The following PPP2R5A variants were observed in gnomAD, a reference collection of about 807,000 sequenced individuals.
The protein encoded by PPP2R5A is protein phosphatase 2 regulatory subunit B'alpha.
PPP2R5A carries 25 observed loss-of-function variants against 64.2 expected under a neutral mutation model. That is an observed-to-expected ratio of 0.39 (90% CI 0.28 to 0.54). The LOEUF is 0.54. PPP2R5A is among the 20% of genes least tolerant of loss of function. PPP2R5A has a pLI of 0.67. For synonymous variants in PPP2R5A, 198 were observed against 201.2 expected, an observed-to-expected ratio of 0.98 and a Z score of 0.13; for missense variants, 425 against 576.3, an observed-to-expected ratio of 0.74 and a Z score of 2.69.
At chr1:212,300,972 G>C (rs186439667) in intron 1 of PPP2R5A, among the ~76,000 whole-genome samples, 26 of 152,202 alleles carry the variant, frequency 1.7e-4, no homozygotes, top group Middle Eastern at 6.8e-3. Context: ...GAAGGAAGTG[G>C]GATGTCTGTA....
intron 1 of PPP2R5A, among the ~76,000 whole-genome samples, chr1:212,324,603 AT>A (rs112302137): frequency 0.018 from 2,527 of 143,280 alleles, 32 homozygotes; most frequent in South Asian, 0.027. Flanking sequence ...ATTATGATTA[AT>A]TTTTTTTTTT....
intron 9 of PPP2R5A, 94 bp downstream of exon 9, chr1:212,356,770 T>A (rs1659984404): frequency 7.1e-7 from 1 of 1,416,526 alleles, no homozygotes. Context: ...GTATTGCTGT[T>A]GCTAAAGAGC....
chr1:212,290,278 A>G (rs187472077), intron 1 of PPP2R5A, among the ~76,000 whole-genome samples: 30 of 152,328 alleles, frequency 2.0e-4, no homozygotes, highest in Admixed American at 2.0e-3. Context: ...GAACACTGAC[A>G]TTATCTTAAG....
chr1:212,330,545 C>A (rs1185318495), intron 2 of PPP2R5A, among the ~76,000 whole-genome samples: 13 of 45,466 alleles, frequency 2.9e-4, no homozygotes, highest in Admixed American at 1.7e-3. Flanking sequence ...AACACCTTGT[C>A]TCAAAAAAAA....
Position 212,320,394 on chromosome 1 carries a change from C to CT in PPP2R5A, c.182-8738dup, listed in dbSNP as rs1394404546. On this transcript the variant is annotated intron_variant, in intron 1 of 12. Transcript: ENST00000261461. ...TCCGATTTCTCAATCTTTTCCCCACCTTTCCCCCCTTTCTATTCCACAAAA... is the reference window on the plus strand; with the variant it reads ...TCCGATTTCTCAATCTTTTCCCCACCTTTTCCCCCCTTTCTATTCCACAAAA... 2.6e-5 allele frequency among the ~76,000 whole-genome samples: 4 copies of CT among 152,306 alleles called. No individual in the cohort carries two copies. The East Asian group carries it at 7.7e-4, about 29-fold the overall frequency.
At chr1:212,321,069 A>ACC (rs1285292900) in intron 1 of PPP2R5A, among the ~76,000 whole-genome samples, 10 of 52,176 alleles carry the variant, frequency 1.9e-4, no homozygotes, top group African/African-American at 6.8e-4. Flanking sequence ...CGGGGGGCTG[A>ACC]CCCCCCCGCC....
chr1:212,306,203 A>G (rs1416704210), intron 1 of PPP2R5A, among the ~76,000 whole-genome samples: 1 of 152,116 alleles, frequency 6.6e-6, no homozygotes, highest in African/African-American at 2.4e-5. Context: ...AGTGGAGAGA[A>G]TAGGGGAAGG....
intron 1 of PPP2R5A, among the ~76,000 whole-genome samples, chr1:212,322,253 GGGA>G (rs1659317932): frequency 2.6e-5 from 3 of 114,066 alleles, no homozygotes; most frequent in East Asian, 2.3e-4. Context: ...AGGAGGGAGA[GGGA>G]GAGGGAGAGG....
At chr1:212,353,969 G>T (rs1169916118) in intron 8 of PPP2R5A, among the ~76,000 whole-genome samples, 4 of 152,018 alleles carry the variant, frequency 2.6e-5, no homozygotes, top group Non-Finnish European at 4.4e-5. Flanking sequence ...TAGATCACGA[G>T]GTCAGGAGAT....
At chr1:212,294,652 G>T (rs1480345744) in intron 1 of PPP2R5A, among the ~76,000 whole-genome samples, 1 of 151,166 alleles carries the variant, frequency 6.6e-6, no homozygotes, top group Non-Finnish European at 1.5e-5. Context: ...TTAGTAAAGT[G>T]AAAACAATGA....
At chr1:212,333,709 G>A (rs1389556362) in intron 3 of PPP2R5A, 111 bp downstream of exon 3, 2 of 559,288 alleles carry the variant, frequency 3.6e-6, no homozygotes, top group Non-Finnish European at 5.9e-6. Context: ...GACTTTTATG[G>A]TTTTATTAAC....
intron 1 of PPP2R5A, among the ~76,000 whole-genome samples, chr1:212,307,113 C>A (rs1341066675): frequency 6.6e-6 from 1 of 152,090 alleles, no homozygotes; most frequent in Non-Finnish European, 1.5e-5. Context: ...TTATGCCTGC[C>A]ATTTTACTTT....
intron 1 of PPP2R5A, among the ~76,000 whole-genome samples, chr1:212,303,649 T>G (rs957431890): frequency 1.3e-5 from 2 of 152,222 alleles, no homozygotes. Flanking sequence ...CTGTGTTTTC[T>G]TCTAAGAATT....
At chr1:212,347,520 C>A (rs1036451806) in intron 6 of PPP2R5A, 114 bp downstream of exon 6, 8 of 734,994 alleles carry the variant, frequency 1.1e-5, no homozygotes, top group Admixed American at 3.1e-5. Context: ...AAATGTAGAA[C>A]ACATAGTTTC....
intron 3 of PPP2R5A, among the ~76,000 whole-genome samples, chr1:212,341,799 G>A (rs144727914): frequency 2.0e-5 from 3 of 152,096 alleles, no homozygotes; most frequent in Admixed American, 6.6e-5. Context: ...CAGTGGTACG[G>A]CACAGTCACG....
At chr1:212,293,321 G>C (rs145081402) in intron 1 of PPP2R5A, among the ~76,000 whole-genome samples, 3 of 152,222 alleles carry the variant, frequency 2.0e-5, no homozygotes, top group Non-Finnish European at 4.4e-5. Flanking sequence ...GGACATGTGT[G>C]TATAAAATAA....
intron 1 of PPP2R5A, among the ~76,000 whole-genome samples, chr1:212,322,057 G>A (rs200196749): frequency 0.17 from 24,672 of 147,182 alleles, 2,363 homozygotes; most frequent in Middle Eastern, 0.3. Context: ...GCGTGGCGGC[G>A]CGCGCCTGCA....
At chr1:212,312,349 T>C (rs979599477) in intron 1 of PPP2R5A, among the ~76,000 whole-genome samples, 1 of 152,232 alleles carries the variant, frequency 6.6e-6, no homozygotes, top group African/African-American at 2.4e-5. Context: ...GATGCATGAC[T>C]GTACCACTAG....
chr1:212,328,531 A>G (rs1659446223), intron 1 of PPP2R5A, among the ~76,000 whole-genome samples: 1 of 152,210 alleles, frequency 6.6e-6, no homozygotes, highest in Non-Finnish European at 1.5e-5. Flanking sequence ...TGTACTTTGT[A>G]TACAGCCGAG....
Sources: gnomAD v4.1 joint callset for allele counts (sites outside exome capture counted in the v4.1 genomes callset) on GRCh38, gnomAD v4.1.1 for gene constraint, MANE v1.5 for transcripts, NCBI Gene and HGNC (gene_info 2026-07-23, HGNC 2026-07-21) for gene names.